LTBP1: variants seen among roughly 807,000 people sequenced by gnomAD.
LTBP1 encodes latent-transforming growth factor beta-binding protein 1.
In LTBP1, 129 loss-of-function variants were observed where a neutral mutation model predicts 207.6. The ratio of observed to expected loss-of-function variants is 0.62; its 90% CI spans 0.54 to 0.72. The LOEUF is 0.72. LTBP1 is among the 30% of genes least tolerant of loss of function. The pLI, the probability that LTBP1 is intolerant of heterozygous loss-of-function variation, is 0.00. For synonymous variants in LTBP1, 963 were observed against 833.7 expected (o/e 1.16, Z -2.67); for missense variants, 2,281 against 2,217.2 (o/e 1.03, Z -0.58).
At chr2:33,324,732 CCTT>C (rs2094404463) in intron 24 of LTBP1, among the ~76,000 whole-genome samples, 1 of 136,586 alleles carries the variant, frequency 7.3e-6, no homozygotes, top group African/African-American at 2.9e-5. Flanking sequence ...GACGGAGTCT[CCTT>C]CTGTCACCCA....
chr2:33,166,823 T>C (rs754219231), intron 5 of LTBP1, among the ~76,000 whole-genome samples: 14 of 152,214 alleles, frequency 9.2e-5, no homozygotes, highest in Non-Finnish European at 1.8e-4. Context: ...CATCAGTCAG[T>C]AATGAATCAC....
intron 5 of LTBP1, among the ~76,000 whole-genome samples, chr2:33,143,462 G>A (rs2082789088): frequency 6.6e-6 from 1 of 152,180 alleles, no homozygotes; most frequent in South Asian, 2.1e-4. Flanking sequence ...TCTCAGGCAA[G>A]TAAAATCACA....
chr2:33,047,571 C>T (rs1481797394), intron 3 of LTBP1, among the ~76,000 whole-genome samples: 1 of 152,122 alleles, frequency 6.6e-6, no homozygotes, highest in Non-Finnish European at 1.5e-5. Context: ...CAATGTGGTG[C>T]TGAGAAGATT....
Position 33,300,529 on chromosome 2 carries a change from G to T in LTBP1, c.3314G>T (p.Cys1105Phe), listed in dbSNP as rs2093968711. The T allele has an allele frequency of 6.2e-7, 1 of 1,613,728 alleles. No individual in the cohort carries two copies. The highest frequency in any genetic ancestry group is 1.3e-5 in the African/African-American group (1 of 74,932). ...KNTEGSFRCTCGQGYQLSAAK... is the reference protein window; with the variant it reads ...KNTEGSFRCTFGQGYQLSAAK... ...ACCGAGGGCTCCTTCAGGTGCACCT[G>T]TGGACAGGGGTACCAGCTGTCGGCA... Residue 1105 changes from cysteine (C) to phenylalanine (F), a missense_variant, in exon 21 of 34, where the codon TGT becomes TTT. Coordinates refer to ENST00000404816, the MANE Select transcript of LTBP1 (RefSeq NM_206943.4).
At chr2:33,205,201 T>C (rs1269696077) in intron 7 of LTBP1, among the ~76,000 whole-genome samples, 1 of 152,276 alleles carries the variant, frequency 6.6e-6, no homozygotes, top group Non-Finnish European at 1.5e-5. Context: ...TCAGTTTCTC[T>C]GAAAAGCTTT....
chr2:32,985,945 CCTGT>C (rs528650054), intron 2 of LTBP1, among the ~76,000 whole-genome samples: 307 of 152,214 alleles, frequency 2.0e-3, no homozygotes, highest in African/African-American at 7.1e-3. Flanking sequence ...AGCTTCTCTG[CCTGT>C]CTGTTTCTGA....
chr2:33,383,546 T>C (rs1481543549), intron 31 of LTBP1, among the ~76,000 whole-genome samples: 1 of 152,164 alleles, frequency 6.6e-6, no homozygotes, highest in Non-Finnish European at 1.5e-5. Flanking sequence ...ACTTTTCTGC[T>C]TCTTTTTCTC....
chr2:33,130,581 G>A (rs1422492775), intron 4 of LTBP1, among the ~76,000 whole-genome samples: 1 of 152,124 alleles, frequency 6.6e-6, no homozygotes, highest in Non-Finnish European at 1.5e-5. Context: ...AAGCAGAAAT[G>A]AAAGCTTTTT....
intron 5 of LTBP1, among the ~76,000 whole-genome samples, chr2:33,178,365 G>T (rs2086278218): frequency 6.6e-6 from 1 of 152,184 alleles, no homozygotes; most frequent in Admixed American, 6.5e-5. Context: ...ATAGCGCACA[G>T]CAATGGCGAG....
intron 3 of LTBP1, among the ~76,000 whole-genome samples, chr2:33,026,354 A>G (rs1304434946): frequency 6.6e-6 from 1 of 152,170 alleles, no homozygotes; most frequent in African/African-American, 2.4e-5. Context: ...CTCTTTGTCC[A>G]CAGAGGTACA....
At chr2:33,392,070 C>T (rs1171994587) in intron 32 of LTBP1, among the ~76,000 whole-genome samples, 2 of 152,174 alleles carry the variant, frequency 1.3e-5, no homozygotes, top group South Asian at 2.1e-4. Flanking sequence ...GGTTTCTTAT[C>T]GCCTTTATGG....
At chr2:33,108,991 G>A (rs1434100872) in intron 3 of LTBP1, among the ~76,000 whole-genome samples, 1 of 152,202 alleles carries the variant, frequency 6.6e-6, no homozygotes, top group Non-Finnish European at 1.5e-5. Flanking sequence ...GCCCTTGTGT[G>A]GTATTGCATC....
At chr2:33,255,341 G>A (rs1234898849) in intron 11 of LTBP1, among the ~76,000 whole-genome samples, 1 of 152,052 alleles carries the variant, frequency 6.6e-6, no homozygotes, top group Non-Finnish European at 1.5e-5. Flanking sequence ...AACAGGTGCT[G>A]GAGAGGATGT....
At chr2:32,972,116 TG>T (rs1475708830) in intron 2 of LTBP1, among the ~76,000 whole-genome samples, 3 of 102,134 alleles carry the variant, frequency 2.9e-5, no homozygotes, top group African/African-American at 8.7e-5. Context: ...CTGAGTTTTT[TG>T]TTTTTTTTTT....
At chr2:33,089,806 A>G (rs1051755251) in intron 3 of LTBP1, among the ~76,000 whole-genome samples, 1 of 152,204 alleles carries the variant, frequency 6.6e-6, no homozygotes, top group African/African-American at 2.4e-5. Context: ...CTTTTCACCA[A>G]TATGTTTATA....
At chr2:33,158,255 T>C (rs1455511272) in intron 5 of LTBP1, among the ~76,000 whole-genome samples, 1 of 152,042 alleles carries the variant, frequency 6.6e-6, no homozygotes, top group Non-Finnish European at 1.5e-5. Flanking sequence ...ATACATTGTG[T>C]TGTGTAAACT....
Position 33,097,594 on chromosome 2 carries a change from A to G in LTBP1, c.864-12988A>G, listed in dbSNP as rs147701418. Among the ~76,000 whole-genome samples, 1,421 of 152,302 alleles carry G rather than the reference A, an allele frequency of 9.3e-3. 12 individuals are homozygous for G. The highest frequency in any genetic ancestry group is 0.017 in the Middle Eastern group (5 of 294). ...TTTATTTTGTTTTTTAGCTTTTCCC[A>G]CTTTATAATGGTACCACTCTCCTTC... On this transcript the variant is annotated intron_variant, in intron 3 of 33. Coordinates refer to ENST00000404816, the MANE Select transcript of LTBP1 (RefSeq NM_206943.4).
At chr2:33,274,777 G>T (rs934387670) in intron 16 of LTBP1, among the ~76,000 whole-genome samples, 188 bp from the exon 17 acceptor site, 1 of 152,142 alleles carries the variant, frequency 6.6e-6, no homozygotes, top group African/African-American at 2.4e-5. Context: ...TACACAGTAG[G>T]CTGCTTCTCT....
At chr2:33,274,353 A>G (rs1230814915) in intron 16 of LTBP1, among the ~76,000 whole-genome samples, 2 of 151,024 alleles carry the variant, frequency 1.3e-5, no homozygotes, top group African/African-American at 4.9e-5. Context: ...TTTTTTTAAG[A>G]AAAAGAAAAT....
Sources: gnomAD v4.1 joint callset for allele counts (sites outside exome capture counted in the v4.1 genomes callset) on GRCh38, gnomAD v4.1.1 for gene constraint, MANE v1.5 for transcripts, NCBI Gene and HGNC (gene_info 2026-07-23, HGNC 2026-07-21) for gene names.